The following WDR93 variants were observed in gnomAD, a reference collection of about 807,000 sequenced individuals.
The protein encoded by WDR93 is WD repeat-containing protein 93.
A neutral mutation model predicts 82.9 loss-of-function variants in WDR93; 73 were observed. That is an observed-to-expected ratio of 0.88 (90% CI 0.73 to 1.07). The LOEUF is 1.07. Ranked by LOEUF, WDR93 falls within the 50% of genes least tolerant of loss-of-function variation. The pLI is 0.00. For missense variants in WDR93, 738 were observed against 826.0 expected (o/e 0.89, Z 1.31); for synonymous variants, 283 against 300.1 (o/e 0.94, Z 0.59).
At chr15:89,731,859 G>A (rs1210546614) in intron 12 of WDR93, among the ~76,000 whole-genome samples, 9 of 152,204 alleles carry the variant, frequency 5.9e-5, no homozygotes, top group Non-Finnish European at 1.0e-4. Flanking sequence ...CAGTGAAGAA[G>A]TATGTCTGGC....
intron 11 of WDR93, among the ~76,000 whole-genome samples, chr15:89,730,409 A>C (rs987653544): frequency 3.9e-5 from 6 of 151,994 alleles, no homozygotes; most frequent in African/African-American, 1.4e-4. Context: ...AGCTGTCTGC[A>C]AACCATGTAG....
chr15:89,738,239 A>G lies in WDR93; in HGVS notation c.1961+3A>G, dbSNP rs771453653. The G allele has an allele frequency of 6.3e-6, 10 of 1,598,632 alleles. No individual in the cohort carries two copies. In the Admixed American group the frequency reaches 1.7e-4, roughly 28 times the overall value. ...TGTGAGCGTTTCCTCCAGAAGAGGT[A>G]AAGAGCTCTGTGTCTTCACCCCCTC... On this transcript the variant is annotated splice_donor_region_variant and intron_variant, in intron 16 of 16. Transcript: ENST00000268130.
intron 2 of WDR93, 41 bp downstream of exon 2, chr15:89,702,090 T>C: frequency 6.4e-7 from 1 of 1,556,714 alleles, no homozygotes; most frequent in Non-Finnish European, 8.7e-7. Context: ...TGTTTCTCAG[T>C]TGAGTGTTAA....
At chr15:89,721,962 C>G in intron 7 of WDR93, 93 bp from the exon 8 acceptor site, 1 of 855,946 alleles carries the variant, frequency 1.2e-6, no homozygotes, top group Non-Finnish European at 1.8e-6. Context: ...TCTTTTTCCC[C>G]TTCTTTTCCA....
At chr15:89,699,574 G>C (rs1965355402) in intron 1 of WDR93, among the ~76,000 whole-genome samples, 1 of 151,772 alleles carries the variant, frequency 6.6e-6, no homozygotes, top group African/African-American at 2.4e-5. Flanking sequence ...CTCTTCTGGG[G>C]ATTTCAGTCA....
chr15:89,703,056 C>G lies in WDR93; in HGVS notation c.410C>G (p.Ala137Gly). 1 of 1,614,110 alleles carries G rather than the reference C, an allele frequency of 6.2e-7. No individual in the cohort carries two copies. The highest frequency in any genetic ancestry group is 1.7e-5 in the Admixed American group (1 of 60,018). The change falls in exon 3 of 17, where the codon GCG (alanine) becomes GGG (glycine). Residue 137 changes from alanine to glycine, a missense_variant. Ala to Gly is a moderately conservative substitution (Grantham distance 60). Transcript: ENST00000268130. ...YNLYSAKQIY[A>G]WEKLKVDVTS... ...CTGTACAGTGCTAAACAAATATATG[C>G]GTGGGAGAAGCTTAAGGTTGATGTC...
At chr15:89,697,170 A>AGT (rs1965221864) in intron 1 of WDR93, among the ~76,000 whole-genome samples, 1 of 150,984 alleles carries the variant, frequency 6.6e-6, no homozygotes, top group Admixed American at 6.6e-5. Flanking sequence ...TGTTGCTTAG[A>AGT]CTGGTGTCAG....
intron 11 of WDR93, among the ~76,000 whole-genome samples, chr15:89,730,757 G>A (rs988434132): frequency 4.6e-5 from 7 of 151,808 alleles, no homozygotes; most frequent in Admixed American, 3.3e-4. Flanking sequence ...GTGGCAGCAT[G>A]AGCCTGTAGT....
At chr15:89,740,650 C>T (rs1374475770) in intron 16 of WDR93, among the ~76,000 whole-genome samples, 3 of 152,022 alleles carry the variant, frequency 2.0e-5, no homozygotes, top group East Asian at 3.9e-4. Flanking sequence ...TACAGGCATG[C>T]GCCACCACGC....
At chr15:89,710,480 C>T (rs1350558072) in intron 4 of WDR93, among the ~76,000 whole-genome samples, 1 of 152,152 alleles carries the variant, frequency 6.6e-6, no homozygotes, top group East Asian at 1.9e-4. Flanking sequence ...ATAATGGTAA[C>T]GTCCTATACC....
chr15:89,703,848 G>A (rs1393201918), intron 3 of WDR93: 1 of 152,318 alleles, frequency 6.6e-6, no homozygotes, highest in Non-Finnish European at 1.5e-5. Context: ...CTAGACCTCA[G>A]GCTCTGCTCA....
At position 89,701,802 on chromosome 15, in the gene WDR93, G is replaced by C. The variant is rs77441492; in HGVS notation, c.56G>C (p.Arg19Pro). 5 of 1,614,124 alleles carry C rather than the reference G, an allele frequency of 3.1e-6. No individual in the cohort carries two copies. In the East Asian group the frequency reaches 1.1e-4, roughly 36 times the overall value. ...AAAATAAAGCACCCCATTGGTACAC[G>C]AAAGGGACCATTGGAGGTGCCACCC... is the stretch of plus-strand genomic sequence containing the variant. ...TQKIKHPIGTRKGPLEVPPPT... is the reference protein window; with the variant it reads ...TQKIKHPIGTPKGPLEVPPPT... The change falls in exon 2 of 17, where the codon CGA becomes CCA. Residue 19 changes from arginine (R) to proline (P), a missense_variant. Coordinates refer to ENST00000268130, the MANE Select transcript of WDR93 (RefSeq NM_020212.2).
At chr15:89,722,276 A>T (rs1407746821) in intron 8 of WDR93, 137 bp downstream of exon 8, 2 of 688,370 alleles carry the variant, frequency 2.9e-6, no homozygotes, top group Non-Finnish European at 4.7e-6. Context: ...AATTTTTTTT[A>T]AACCCATAAG....
At chr15:89,690,441 C>G (rs1290717801), upstream of WDR93, 2 of 637,040 alleles carry the variant, frequency 3.1e-6, no homozygotes, top group Admixed American at 2.8e-5. Flanking sequence ...TACTAAACTC[C>G]CTCCGTAGGA....
chr15:89,690,588 G>T, upstream of WDR93: 2 of 1,551,406 alleles, frequency 1.3e-6, no homozygotes, highest in Non-Finnish European at 1.7e-6. Context: ...TGAAGAGTCG[G>T]TCCCGGCCCT....
intron 8 of WDR93, among the ~76,000 whole-genome samples, chr15:89,723,889 G>C (rs1215681668): frequency 6.6e-6 from 1 of 152,158 alleles, no homozygotes; most frequent in African/African-American, 2.4e-5. Flanking sequence ...AAGCAGTAAA[G>C]CTTTTAGAAA....
At chr15:89,716,298 C>A (rs573245659) in intron 6 of WDR93, among the ~76,000 whole-genome samples, 4 of 152,258 alleles carry the variant, frequency 2.6e-5, no homozygotes, top group African/African-American at 9.6e-5. Flanking sequence ...ACATGAAAAT[C>A]CTCTTGTCTT....
chr15:89,699,876 G>T (rs1233115914), intron 1 of WDR93, among the ~76,000 whole-genome samples: 1 of 152,096 alleles, frequency 6.6e-6, no homozygotes, highest in East Asian at 1.9e-4. Flanking sequence ...TGTTTTGTCT[G>T]CTAATTCTAA....
intron 3 of WDR93, 175 bp downstream of exon 3, chr15:89,703,317 C>T: frequency 1.5e-6 from 1 of 684,258 alleles, no homozygotes; most frequent in Non-Finnish European, 2.4e-6. Context: ...TCTACCATTT[C>T]ACATGTGCTA....
Sources: allele counts gnomAD v4.1 joint callset (sites outside exome capture counted in the v4.1 genomes callset), GRCh38; gene constraint gnomAD v4.1.1; transcripts MANE v1.5; gene names NCBI Gene and HGNC (gene_info 2026-07-23, HGNC 2026-07-21).